CLEC12A: variants seen among roughly 807,000 people sequenced by gnomAD.
CLEC12A encodes the protein C-type lectin domain family 12 member A.
CLEC12A carries 22 observed loss-of-function variants against 26.5 expected under a neutral mutation model. The ratio of observed to expected loss-of-function variants is 0.83; its 90% CI spans 0.59 to 1.19. The LOEUF (loss-of-function observed/expected upper bound fraction) is 1.19, where lower values mean the gene tolerates loss of function less well. Among genes scored for constraint, CLEC12A ranks in the 50% most tolerant of loss-of-function variants. The pLI is 0.00. For synonymous variants in CLEC12A, 119 were observed against 101.9 expected (o/e 1.17, Z -1.01); for missense variants, 353 against 315.6 (o/e 1.12, Z -0.90).
chr12:9,995,243 A>G (rs1350196669), exon 5 of CLEC12A: 2 of 1,611,206 alleles, frequency 1.2e-6, no homozygotes, highest in Admixed American at 1.7e-5. Flanking sequence ...GCTTTGATGT[A>G]CTCCTATTGT....
chr12:10,004,623 T>G, the CLEC12A span, among the ~76,000 whole-genome samples: 1 of 151,898 alleles, frequency 6.6e-6, no homozygotes, highest in South Asian at 2.1e-4. Flanking sequence ...AGTTCAGGGT[T>G]TATATGGGTA....
chr12:9,982,258 A>T (rs761787880), intron 5 of CLEC12A, 129 bp downstream of exon 5: 16 of 597,212 alleles, frequency 2.7e-5, no homozygotes, highest in Non-Finnish European at 4.4e-5. Flanking sequence ...CTTTTCTATC[A>T]TGCTTCTTTG....
At chr12:9,991,417 A>G (rs535337637) in intron 4 of CLEC12A, 1 of 152,292 alleles carries the variant, frequency 6.6e-6, no homozygotes, top group South Asian at 2.1e-4. Flanking sequence ...GGATGTATAC[A>G]CATATGTTTT....
chr12:9,964,971 C>A (rs543047428), intron 1 of CLEC12A, among the ~76,000 whole-genome samples: 2 of 152,144 alleles, frequency 1.3e-5, no homozygotes, highest in East Asian at 1.9e-4. Context: ...GGGCCAGGAA[C>A]AATGGTAATT....
chr12:9,983,115 T>C (rs1391913903), intron 5 of CLEC12A, among the ~76,000 whole-genome samples: 1 of 152,134 alleles, frequency 6.6e-6, no homozygotes, highest in Non-Finnish European at 1.5e-5. Flanking sequence ...ACAACAAACA[T>C]TTAAGTGTAG....
intron 4 of CLEC12A, among the ~76,000 whole-genome samples, chr12:9,993,716 G>C (rs568662357): frequency 4.7e-4 from 71 of 152,112 alleles, no homozygotes; most frequent in Admixed American, 1.9e-3. Context: ...GGAAAAGTGA[G>C]TTGATTCAGT....
chr12:9,976,538 G>A lies in CLEC12A; in HGVS notation c.92-2428G>A, dbSNP rs554840035. Among the ~76,000 whole-genome samples, 7 of 152,320 alleles carry A rather than the reference G, an allele frequency of 4.6e-5. No homozygotes were observed. In the South Asian group the frequency reaches 1.2e-3, roughly 27 times the overall value. ...ATGCCTGTACTCTCATTGTATCTAG[G>A]AAGTAACTAACTTTCTTTTGAATTT... On this transcript the variant is annotated intron_variant, in intron 1 of 5. Transcript: ENST00000304361.
intron 1 of CLEC12A, among the ~76,000 whole-genome samples, chr12:9,956,379 T>C (rs1863741456): frequency 6.6e-6 from 1 of 152,248 alleles, no homozygotes; most frequent in East Asian, 1.9e-4. Flanking sequence ...TTCTTATTCT[T>C]AGTAATCCTA....
At chr12:9,993,179 C>G (rs771574163) in intron 4 of CLEC12A, 2 of 1,612,122 alleles carry the variant, frequency 1.2e-6, no homozygotes, top group Non-Finnish European at 1.7e-6. Context: ...TGCCAGCCTT[C>G]CTCTCACACA....
At chr12:9,966,418 G>T (rs1013049274), upstream of CLEC12A, among the ~76,000 whole-genome samples, 1 of 148,162 alleles carries the variant, frequency 6.7e-6, no homozygotes, top group Non-Finnish European at 1.5e-5. Context: ...GGCTGCCGGT[G>T]AGATGGACAG....
At position 9,971,509 on chromosome 12, in the gene CLEC12A, T is replaced by C; in HGVS notation, c.-88T>C. On this transcript the variant is annotated 5_prime_UTR_variant, in exon 1 of 6. Transcript: ENST00000304361. ...CCGTTTATAAACAGAAGTTTAAAATTATAGGTCCTGTTTAACATTCAGCTC... is the reference window on the plus strand; with the variant it reads ...CCGTTTATAAACAGAAGTTTAAAATCATAGGTCCTGTTTAACATTCAGCTC... 1 of 1,504,442 alleles carries C rather than the reference T, an allele frequency of 6.6e-7. No homozygotes were observed. The highest frequency in any genetic ancestry group is 8.8e-7 in the Non-Finnish European group (1 of 1,131,842). 93.2% of individuals were successfully genotyped at this position (1,504,442 alleles called of 1,614,324 possible).
At chr12:9,968,319 C>T (rs939456353), upstream of CLEC12A, among the ~76,000 whole-genome samples, 1 of 152,124 alleles carries the variant, frequency 6.6e-6, no homozygotes, top group African/African-American at 2.4e-5. Flanking sequence ...GTGTGAGCAA[C>T]AAGGCTGTTT....
intron 3 of CLEC12A, 103 bp downstream of exon 3, chr12:9,979,627 T>A: frequency 1.2e-6 from 1 of 843,040 alleles, no homozygotes; most frequent in Non-Finnish European, 1.8e-6. Flanking sequence ...CTCTAGGGAG[T>A]CATAATTTGG....
chr12:9,952,741 C>T (rs1863645668), intron 1 of CLEC12A: 1 of 122,924 alleles, frequency 8.1e-6, no homozygotes, highest in Admixed American at 8.3e-5. Context: ...AGCGCCTCTT[C>T]CCAGCCGCCA....
exon 5 of CLEC12A, chr12:9,995,318 T>C (rs1654373766): frequency 1.5e-6 from 2 of 1,299,660 alleles, no homozygotes; most frequent in South Asian, 1.2e-5. Context: ...CAAAGCTTCA[T>C]GATAAGACGT....
At chr12:9,984,671 A>C (rs1412349096) in intron 5 of CLEC12A, among the ~76,000 whole-genome samples, 199 bp from the exon 6 acceptor site, 1 of 152,226 alleles carries the variant, frequency 6.6e-6, no homozygotes, top group African/African-American at 2.4e-5. Flanking sequence ...GGAGAAATGA[A>C]GCAGTATTTG....
chr12:10,000,889 T>C, the CLEC12A span, among the ~76,000 whole-genome samples: 1 of 152,188 alleles, frequency 6.6e-6, no homozygotes, highest in East Asian at 1.9e-4. Flanking sequence ...CCTTCAGTGT[T>C]TTGTTACCTA....
chr12:10,002,500 T>G, the CLEC12A span, among the ~76,000 whole-genome samples: 1 of 41,040 alleles, frequency 2.4e-5, no homozygotes, highest in Non-Finnish European at 6.3e-5. Context: ...TGGAGTGCAG[T>G]GGCGCGATCT....
intron 4 of CLEC12A, chr12:9,992,035 C>A (rs1371454413): frequency 6.6e-6 from 1 of 151,976 alleles, no homozygotes; most frequent in Non-Finnish European, 1.5e-5. Flanking sequence ...CCAAAACCTC[C>A]GTTGAGATGT....
Sources: allele counts gnomAD v4.1 joint callset (sites outside exome capture counted in the v4.1 genomes callset), GRCh38; gene constraint gnomAD v4.1.1; transcripts MANE v1.5; gene names NCBI Gene and HGNC (gene_info 2026-07-23, HGNC 2026-07-21).